ATP10A: variants seen among roughly 807,000 people sequenced by gnomAD.
The protein encoded by ATP10A is ATPase phospholipid transporting 10A (putative), also known as phospholipid-transporting ATPase VA.
Under a neutral mutation model 147.8 loss-of-function variants are expected in ATP10A, and 111 were observed. That is an observed-to-expected ratio of 0.75 (90% CI 0.64 to 0.88). The LOEUF is 0.88. Ranked by LOEUF, ATP10A falls within the 40% of genes least tolerant of loss-of-function variation. ATP10A has a pLI of 0.00. For synonymous variants in ATP10A, 875 were observed against 841.6 expected, an observed-to-expected ratio of 1.04 and a Z score of -0.69; for missense variants, 1,927 against 1,959.0, an observed-to-expected ratio of 0.98 and a Z score of 0.31.
chr15:25,704,894 G>A (rs1228836237), intron 12 of ATP10A, among the ~76,000 whole-genome samples: 1 of 152,188 alleles, frequency 6.6e-6, no homozygotes, highest in Non-Finnish European at 1.5e-5. Flanking sequence ...TCAGGAGTTG[G>A]TGGTGTGCAG....
chr15:25,859,335 C>T (rs1255223452), intron 1 of ATP10A, among the ~76,000 whole-genome samples: 1 of 152,188 alleles, frequency 6.6e-6, no homozygotes, highest in African/African-American at 2.4e-5. Flanking sequence ...AAATGAAAGC[C>T]GGAGGCCACA....
At chr15:25,738,925 A>G (rs1211275222) in intron 2 of ATP10A, among the ~76,000 whole-genome samples, 1 of 152,202 alleles carries the variant, frequency 6.6e-6, no homozygotes. Context: ...GGAGTGACAG[A>G]CTGGAGCTTT....
At chr15:25,772,442 G>A (rs28615691) in intron 2 of ATP10A, among the ~76,000 whole-genome samples, 5 of 152,140 alleles carry the variant, frequency 3.3e-5, no homozygotes, top group African/African-American at 9.6e-5. Flanking sequence ...CGTGGCCCAC[G>A]CAGGCTCACT....
intron 15 of ATP10A, among the ~76,000 whole-genome samples, chr15:25,689,579 G>A (rs1207427910): frequency 6.6e-6 from 1 of 152,152 alleles, no homozygotes; most frequent in Non-Finnish European, 1.5e-5. Flanking sequence ...CAAGCAACAG[G>A]GTCCCAGTGC....
At chr15:25,710,961 T>C (rs1020154953) in intron 10 of ATP10A, 1 of 152,214 alleles carries the variant, frequency 6.6e-6, no homozygotes, top group African/African-American at 2.4e-5. Flanking sequence ...TAGGGGCTCA[T>C]GTGGGGACTT....
At chr15:25,836,188 A>C (rs568619248) in intron 1 of ATP10A, among the ~76,000 whole-genome samples, 1 of 152,122 alleles carries the variant, frequency 6.6e-6, no homozygotes, top group African/African-American at 2.4e-5. Flanking sequence ...ACCTCGAGTG[A>C]TCATCTTGCC....
At chr15:25,757,156 A>T (rs7177103) in intron 2 of ATP10A, among the ~76,000 whole-genome samples, 50,887 of 152,070 alleles carry the variant, frequency 0.33, 8,803 homozygotes, top group Middle Eastern at 0.44. Flanking sequence ...AACAATAAGT[A>T]AAAAGTTTAT....
At chr15:25,685,823 TTA>T (rs1491557990) in intron 16 of ATP10A, among the ~76,000 whole-genome samples, 1 of 107,898 alleles carries the variant, frequency 9.3e-6, no homozygotes, top group East Asian at 2.7e-4. Context: ...GACCCTGTCT[TTA>T]AAAAAAAAAA....
At chr15:25,830,854 C>G (rs779823730) in intron 1 of ATP10A, among the ~76,000 whole-genome samples, 31 of 152,198 alleles carry the variant, frequency 2.0e-4, no homozygotes, top group African/African-American at 1.4e-4. Context: ...ATCACTGTTT[C>G]AAACCTAAGG....
At chr15:25,787,704 G>C (rs187721299) in intron 1 of ATP10A, among the ~76,000 whole-genome samples, 1 of 152,172 alleles carries the variant, frequency 6.6e-6, no homozygotes, top group Admixed American at 6.5e-5. Context: ...GCCAGTGTTT[G>C]ACACAGACAT....
At chr15:25,747,016 C>T (rs1436301408) in intron 2 of ATP10A, among the ~76,000 whole-genome samples, 1 of 152,082 alleles carries the variant, frequency 6.6e-6, no homozygotes, top group Non-Finnish European at 1.5e-5. Flanking sequence ...TTCAACTTGG[C>T]TGGCTCACGC....
intron 16 of ATP10A, among the ~76,000 whole-genome samples, chr15:25,685,656 C>T (rs974427870): frequency 2.6e-5 from 4 of 151,998 alleles, no homozygotes; most frequent in African/African-American, 9.7e-5. Flanking sequence ...CATAGCGACA[C>T]CCTGTCTCTA....
chr15:25,683,590 T>A, intron 16 of ATP10A, 104 bp from the exon 17 acceptor site: 1 of 1,142,386 alleles, frequency 8.8e-7, no homozygotes, highest in Non-Finnish European at 1.2e-6. Context: ...CAGTCAAGAT[T>A]AAATGTATTG....
intron 1 of ATP10A, among the ~76,000 whole-genome samples, chr15:25,825,195 GA>G (rs1268591067): frequency 1.3e-5 from 2 of 152,230 alleles, no homozygotes; most frequent in Admixed American, 6.5e-5. Flanking sequence ...CACCCATTAG[GA>G]AAAGCGTTTT....
intron 13 of ATP10A, among the ~76,000 whole-genome samples, chr15:25,698,463 GAA>G (rs1900472884): frequency 1.3e-5 from 2 of 152,062 alleles, no homozygotes; most frequent in Non-Finnish European, 2.9e-5. Flanking sequence ...TTTATTGTAA[GAA>G]TACAGCATAT....
intron 1 of ATP10A, among the ~76,000 whole-genome samples, chr15:25,806,503 G>A (rs140618004): frequency 0.014 from 2,137 of 151,988 alleles, 98 homozygotes; most frequent in South Asian, 0.13. Context: ...TAGTAGAGAC[G>A]GGGTTTCACG....
chr15:25,824,451 A>G (rs1892021232), intron 1 of ATP10A, among the ~76,000 whole-genome samples: 1 of 146,830 alleles, frequency 6.8e-6, no homozygotes, highest in Non-Finnish European at 1.5e-5. Context: ...TCCAGCCTGG[A>G]CAAGGGAGCA....
At chr15:25,806,529 GTCTCGA>G (rs1416073382) in intron 1 of ATP10A, among the ~76,000 whole-genome samples, 3 of 151,856 alleles carry the variant, frequency 2.0e-5, no homozygotes, top group Admixed American at 2.0e-4. Context: ...AGCCAGGATG[GTCTCGA>G]TCTCCTGACC....
intron 1 of ATP10A, among the ~76,000 whole-genome samples, chr15:25,788,868 G>A (rs17116146): frequency 0.14 from 21,389 of 152,228 alleles, 1,806 homozygotes; most frequent in African/African-American, 0.23. Context: ...CAAAGAGAAA[G>A]CTCCAATTAA....
Sources: allele counts gnomAD v4.1 joint callset (sites outside exome capture counted in the v4.1 genomes callset), GRCh38; gene constraint gnomAD v4.1.1; transcripts MANE v1.5; gene names NCBI Gene and HGNC (gene_info 2026-07-23, HGNC 2026-07-21).